The following NUP214 variants were observed in gnomAD, a reference collection of about 807,000 sequenced individuals.
NUP214 encodes nuclear pore complex protein Nup214.
NUP214 carries 79 observed loss-of-function variants against 196.2 expected under a neutral mutation model. The observed-to-expected ratio is 0.40, with a 90% CI of 0.34 to 0.49. The LOEUF (loss-of-function observed/expected upper bound fraction) is 0.49, where lower values mean the gene tolerates loss of function less well. Among genes scored for constraint, NUP214 ranks in the 20% least tolerant of loss-of-function variants. The pLI, the probability that NUP214 is intolerant of heterozygous loss-of-function variation, is 0.58. For synonymous variants in NUP214, 1,020 were observed against 990.5 expected, an observed-to-expected ratio of 1.03 and a Z score of -0.56; for missense variants, 2,468 against 2,539.0, an observed-to-expected ratio of 0.97 and a Z score of 0.60.
At chr9:131,169,700 G>A (rs1436500196) in intron 21 of NUP214, among the ~76,000 whole-genome samples, 6 of 152,092 alleles carry the variant, frequency 3.9e-5, no homozygotes, top group Admixed American at 2.6e-4. Flanking sequence ...GAATAGTTGA[G>A]GTTTGCAGGT....
intron 23 of NUP214, 94 bp downstream of exon 23, chr9:131,175,715 C>T (rs1331901891): frequency 1.4e-6 from 2 of 1,456,358 alleles, no homozygotes; most frequent in East Asian, 2.5e-5. Context: ...AGTGGGCGCT[C>T]TTTGGTGCCC....
Position 131,197,903 on chromosome 9 carries a change from C to T in NUP214, c.4409C>T (p.Thr1470Ile). 1 of 1,614,096 alleles carries T rather than the reference C, an allele frequency of 6.2e-7. No homozygotes were observed. Among genetic ancestry groups the T allele is most frequent in the Non-Finnish European group, 8.5e-7 (1 of 1,180,040 alleles). Residue 1470 changes from threonine to isoleucine, a missense_variant, in exon 29 of 36, where the codon ACA (threonine) becomes ATA (isoleucine). Thr to Ile is a moderately conservative substitution (Grantham distance 89). This residue lies in a region of NUP214 where 1,801 missense variants were observed against 1,779.4 expected (regional missense o/e 1.01). Coordinates refer to ENST00000359428, the MANE Select transcript of NUP214 (RefSeq NM_005085.4). ...ACTCCCCTTCCAACATCATTCCCCA[C>T]ATTGTCATTTGGTAGCCTCCTGAGT... ...AATPLPTSFP[T>I]LSFGSLLSSA...
At chr9:131,161,738 C>G (rs901854595) in intron 18 of NUP214, among the ~76,000 whole-genome samples, 1 of 152,202 alleles carries the variant, frequency 6.6e-6, no homozygotes, top group African/African-American at 2.4e-5. Context: ...TCACTTGTTG[C>G]TTAACGTGCG....
chr9:131,142,921 A>G (rs1431123583), intron 11 of NUP214, among the ~76,000 whole-genome samples: 1 of 152,238 alleles, frequency 6.6e-6, no homozygotes, highest in Non-Finnish European at 1.5e-5. Context: ...GAAAATATTG[A>G]CACAAAGAAT....
At chr9:131,217,828 G>C (rs777675447) in intron 31 of NUP214, among the ~76,000 whole-genome samples, 1 of 152,230 alleles carries the variant, frequency 6.6e-6, no homozygotes, top group Admixed American at 6.5e-5. Context: ...GCTCTTGACT[G>C]TCAAGGAGTT....
intron 8 of NUP214, 60 bp downstream of exon 8, chr9:131,135,064 C>T: frequency 1.8e-6 from 2 of 1,138,704 alleles, no homozygotes; most frequent in African/African-American, 1.5e-5. Flanking sequence ...ACCTGAGTCA[C>T]CTTGTCCCAT....
chr9:131,139,120 A>T (rs1831828820), intron 9 of NUP214, among the ~76,000 whole-genome samples, 161 bp from the exon 10 acceptor site: 1 of 152,192 alleles, frequency 6.6e-6, no homozygotes, highest in Admixed American at 6.6e-5. Flanking sequence ...CCATCTTCTC[A>T]GATTTCAGAG....
chr9:131,130,137 G>GTTTTTTTTTTTGT (rs1554728065), intron 4 of NUP214, among the ~76,000 whole-genome samples: 812 of 76,916 alleles, frequency 0.011, 59 homozygotes, highest in Non-Finnish European at 0.015. Context: ...TTCTGGTTTT[G>GTTTTTTTTTTTGT]TTTTTTTTTT....
chr9:131,196,417 T>C (rs1833792834), intron 28 of NUP214, among the ~76,000 whole-genome samples: 1 of 152,196 alleles, frequency 6.6e-6, no homozygotes, highest in African/African-American at 2.4e-5. Context: ...TGCCTTGGCC[T>C]CCCAAAGTGC....
At position 131,138,288 on chromosome 9, in the gene NUP214, G is replaced by A. The variant is rs182784713; in HGVS notation, c.1006-993G>A. Among the ~76,000 whole-genome samples, 1,180 of 138,126 alleles carry A rather than the reference G, an allele frequency of 8.5e-3. 19 individuals carry two copies. The highest frequency in any genetic ancestry group is 0.021 in the African/African-American group (746 of 35,860). 90.6% of individuals were successfully genotyped at this position (138,126 alleles called of 152,430 possible). A position where few individuals can be genotyped will look rare whatever the true frequency, so the allele number is the denominator to read the frequency against. ...GGCCAGAGTGCAGTGGTATGATCTC[G>A]GCTCACTGCAACCTCTGCTTTCCGG... On this transcript the variant is annotated intron_variant, in intron 9 of 35. Coordinates refer to ENST00000359428, the MANE Select transcript of NUP214 (RefSeq NM_005085.4).
Position 131,125,915 on chromosome 9 carries a change from CA to C in NUP214, c.45+167del. 2.5e-6 allele frequency: 2 copies of C among 791,758 alleles called. No homozygotes were observed. Among genetic ancestry groups the C allele is most frequent in the South Asian group, 3.3e-5 (2 of 60,984 alleles). The allele number at this position is 791,758 out of a possible 1,614,324, so 49.0% of individuals were successfully genotyped here. On this transcript the variant is annotated intron_variant, in intron 1 of 35. Coordinates refer to ENST00000359428, the MANE Select transcript of NUP214 (RefSeq NM_005085.4). The surrounding 1 kb of genome is among the most constrained non-coding windows in gnomAD (Gnocchi z 4.1). ...TGCCGCGCCGCTGGCGTGATAGCCC[CA>C]CCGAATGCAGTTTCCCAGTCCCATC... is the stretch of plus-strand genomic sequence containing the variant.
chr9:131,173,935 A>T (rs1014001792), intron 21 of NUP214, 120 bp from the exon 22 acceptor site: 3 of 1,295,422 alleles, frequency 2.3e-6, no homozygotes, highest in African/African-American at 3.0e-5. Flanking sequence ...ACTTAAAATA[A>T]GTAATAATTA....
rs542295869 is a variant in NUP214, at chr9:131,233,894, A to G, written c.*407A>G. ...CTCACTTGGACCTAGCGCCCTCCAC[A>G]TAGGGAAGAGGTTGAATGCTGGTGG... is the stretch of plus-strand genomic sequence containing the variant. On this transcript the variant is annotated 3_prime_UTR_variant, in exon 36 of 36. Coordinates refer to ENST00000359428, the MANE Select transcript of NUP214 (RefSeq NM_005085.4). 1.6e-5 allele frequency: 5 copies of G among 303,958 alleles called. No individual in the cohort carries two copies. In the South Asian group the frequency reaches 2.0e-4, roughly 12 times the overall value. The allele number at this position is 303,958 out of a possible 1,614,324, so 18.8% of individuals were successfully genotyped here.
intron 31 of NUP214, among the ~76,000 whole-genome samples, chr9:131,220,530 C>T (rs1345258624): frequency 6.6e-6 from 1 of 152,212 alleles, no homozygotes; most frequent in Non-Finnish European, 1.5e-5. Context: ...CTGACCTGCT[C>T]AGTGTCTTAC....
At chr9:131,229,902 C>A in intron 33 of NUP214, 1 of 393,708 alleles carries the variant, frequency 2.5e-6, no homozygotes, top group Non-Finnish European at 5.0e-6. Flanking sequence ...CCAGGTGCTG[C>A]CCCTTCTCCC....
Position 131,197,806 on chromosome 9 carries a change from A to G in NUP214, c.4312A>G (p.Ser1438Gly). Residue 1438 changes from serine (S) to glycine (G), a missense_variant, in exon 29 of 36, where the codon AGT becomes GGT. Physicochemically the swap from Ser to Gly is moderately conservative, Grantham distance 56. This residue lies in a region of NUP214 where 1,801 missense variants were observed against 1,779.4 expected (regional missense o/e 1.01). Transcript: ENST00000359428. ...GACATCTCTAAGTGCTGGCAAGACT[A>G]GTTTTTCATTTGGAAGCCAACAGAC... ...GGTSLSAGKT[S>G]FSFGSQQTNS... 6.2e-7 allele frequency: 1 copy of G among 1,613,998 alleles called. No homozygotes were observed. The highest frequency in any genetic ancestry group is 2.2e-5 in the East Asian group (1 of 44,886).
intron 29 of NUP214, among the ~76,000 whole-genome samples, chr9:131,200,570 G>A (rs1026948160): frequency 2.0e-5 from 3 of 152,182 alleles, no homozygotes; most frequent in East Asian, 1.9e-4. Context: ...TTAGCTGGGC[G>A]TCGTGGCAGG....
chr9:131,197,430 C>T lies in NUP214; in HGVS notation c.3936C>T (p.Thr1312=), dbSNP rs72768590. 123 of 1,614,110 alleles carry T rather than the reference C, an allele frequency of 7.6e-5. 1 individual carries two copies. In the Middle Eastern group the frequency reaches 1.7e-3, roughly 22 times the overall value. The change falls in exon 29 of 36, where the codon ACC becomes ACT. Residue 1312 remains threonine (T), a synonymous_variant. Coordinates refer to ENST00000359428, the MANE Select transcript of NUP214 (RefSeq NM_005085.4). ...ALSTTSSKLE[T]PPSKLGELLF... ...CCACCACCTCTAGTAAGCTGGAAACCCCACCGTCCAAGCTGGGAGAGCTTC... is the reference window on the plus strand; with the variant it reads ...CCACCACCTCTAGTAAGCTGGAAACTCCACCGTCCAAGCTGGGAGAGCTTC...
chr9:131,134,578 C>T (rs1258620517), intron 7 of NUP214, among the ~76,000 whole-genome samples: 1 of 152,092 alleles, frequency 6.6e-6, no homozygotes, highest in Admixed American at 6.6e-5. Context: ...TGTATCATTT[C>T]ATTTTACACT....
Sources: gnomAD v4.1 joint callset for allele counts (sites outside exome capture counted in the v4.1 genomes callset) on GRCh38, gnomAD v4.1.1 for gene constraint, gnomAD v4.1.1 regional missense constraint, Gnocchi (gnomAD v3.1) non-coding constraint, MANE v1.5 for transcripts, NCBI Gene and HGNC (gene_info 2026-07-23, HGNC 2026-07-21) for gene names.